The following DCAF6 variants were observed in gnomAD, a reference collection of about 807,000 sequenced individuals.
The protein encoded by DCAF6 is DDB1 and CUL4 associated factor 6.
DCAF6 carries 54 observed loss-of-function variants against 125.1 expected under a neutral mutation model. That is an observed-to-expected ratio of 0.43 (90% CI 0.35 to 0.54). The LOEUF (loss-of-function observed/expected upper bound fraction) is 0.54, where lower values mean the gene tolerates loss of function less well. DCAF6 is among the 20% of genes least tolerant of loss of function. The pLI is 0.01. For missense variants in DCAF6, 934 were observed against 1,161.7 expected (o/e 0.80, Z 2.85); for synonymous variants, 371 against 390.4 (o/e 0.95, Z 0.58).
intron 4 of DCAF6, among the ~76,000 whole-genome samples, chr1:167,980,347 A>G (rs997246807): frequency 2.0e-5 from 3 of 148,874 alleles, no homozygotes; most frequent in South Asian, 4.1e-4. Flanking sequence ...AGAAGTAGAG[A>G]TTGCTGGATC....
intron 5 of DCAF6, among the ~76,000 whole-genome samples, chr1:167,989,279 A>G (rs1034291066): frequency 3.9e-5 from 6 of 152,140 alleles, no homozygotes; most frequent in African/African-American, 1.4e-4. Flanking sequence ...TTGTTATTGC[A>G]AACTCTCTTA....
chr1:167,976,886 G>GTTTT lies in DCAF6; in HGVS notation c.438+1902_438+1905dup, dbSNP rs397981860. The stretch of plus-strand genomic sequence containing the variant: ...TGTACTGAAGGTACATCCTTTAGCA[G>GTTTT]TTTTTTTTTTTTTTTTTTTTTTTTT... On this transcript the variant is annotated intron_variant, in intron 4 of 21. Transcript: ENST00000367840. Among the ~76,000 whole-genome samples, 145 of 38,072 alleles carry GTTTT rather than the reference G, an allele frequency of 3.8e-3. 19 individuals carry two copies. The highest frequency in any genetic ancestry group is 4.8e-3 in the Non-Finnish European group (93 of 19,428). 25.0% of individuals were successfully genotyped at this position (38,072 alleles called of 152,430 possible).
At chr1:167,991,183 G>C (rs537452883) in intron 5 of DCAF6, 21 bp from the exon 6 acceptor site, 144 of 1,600,086 alleles carry the variant, frequency 9.0e-5, no homozygotes, top group Admixed American at 1.4e-4. Context: ...TATGTAATTG[G>C]TATTATGTTA....
chr1:167,962,737 C>T (rs967843478), intron 2 of DCAF6, among the ~76,000 whole-genome samples: 2 of 152,150 alleles, frequency 1.3e-5, no homozygotes, highest in East Asian at 3.8e-4. Context: ...GGGCGATCAC[C>T]TGAGGTCAGG....
chr1:167,891,180 T>G, the DCAF6 span, among the ~76,000 whole-genome samples: 7 of 151,942 alleles, frequency 4.6e-5, no homozygotes, highest in Admixed American at 1.3e-4. Flanking sequence ...CAGGCTGGTC[T>G]TGAACTCCTG....
At chr1:167,900,986 C>T in the DCAF6 span, among the ~76,000 whole-genome samples, 4 of 152,290 alleles carry the variant, frequency 2.6e-5, no homozygotes, top group Middle Eastern at 3.4e-3. Context: ...ACACCAACAG[C>T]ACCAACCATA....
chr1:168,075,393 A>G lies in DCAF6; in HGVS notation c.2814A>G (p.Ser938=). ...CAGACCGGTTGGAGGGTGACAGATC[A>G]GAAGGCTCTGGTCAAGAGAATGAAA... is the stretch of plus-strand genomic sequence containing the variant. ...IRADRLEGDR[S]EGSGQENENE... Residue 938 remains serine, a synonymous_variant, in exon 22 of 22, where the codon TCA becomes TCG. Transcript: ENST00000367840. The G allele has an allele frequency of 6.2e-7, 1 of 1,605,678 alleles. No homozygotes were observed. Among genetic ancestry groups the G allele is most frequent in the East Asian group, 2.2e-5 (1 of 44,468 alleles).
chr1:167,991,487 C>A lies in DCAF6; in HGVS notation c.688+148C>A, dbSNP rs928865758. 113 of 829,898 alleles carry A rather than the reference C, an allele frequency of 1.4e-4. 1 individual carries two copies. In the East Asian group the frequency reaches 3.4e-3, roughly 25 times the overall value. The allele number at this position is 829,898 out of a possible 1,614,324, so 51.4% of individuals were successfully genotyped here. ...TGGATTATTATAAAAAATAACATTT[C>A]ACCAAGTGTTTATGACCCTTTGGGA... is the stretch of plus-strand genomic sequence containing the variant. On this transcript the variant is annotated intron_variant, in intron 6 of 21. Transcript: ENST00000367840.
chr1:167,870,413 G>A, the DCAF6 span: 1 of 1,603,250 alleles, frequency 6.2e-7, no homozygotes, highest in Middle Eastern at 1.8e-4. Context: ...ATTACGTCCT[G>A]TTATTTTTAG....
intron 1 of DCAF6, among the ~76,000 whole-genome samples, chr1:167,939,581 G>T (rs1237800647): frequency 6.6e-6 from 1 of 152,158 alleles, no homozygotes; most frequent in Non-Finnish European, 1.5e-5. Context: ...GGCCAACATG[G>T]TGAAACCCTG....
the DCAF6 span, chr1:167,893,761 G>T: frequency 5.8e-6 from 4 of 691,682 alleles, no homozygotes; most frequent in South Asian, 1.6e-5. Context: ...CTATTTACTA[G>T]TAGCTGCTGT....
intron 4 of DCAF6, among the ~76,000 whole-genome samples, 157 bp downstream of exon 4, chr1:167,975,172 A>G (rs1272100786): frequency 6.6e-6 from 1 of 152,238 alleles, no homozygotes; most frequent in African/African-American, 2.4e-5. Context: ...TCAGCAGAGC[A>G]TTTGAGAAAA....
chr1:167,991,046 TAAAAG>T (rs942857010), intron 5 of DCAF6, among the ~76,000 whole-genome samples, 153 bp from the exon 6 acceptor site: 9 of 152,314 alleles, frequency 5.9e-5, no homozygotes, highest in East Asian at 3.8e-4. Context: ...AAAAAAAAGT[TAAAAG>T]AAAGCCGTAT....
At chr1:167,932,109 G>A (rs1429507626), upstream of DCAF6, among the ~76,000 whole-genome samples, 1 of 152,154 alleles carries the variant, frequency 6.6e-6, no homozygotes, top group Non-Finnish European at 1.5e-5. Flanking sequence ...GAGCTATAAT[G>A]CGTTAAAATG....
intron 10 of DCAF6, among the ~76,000 whole-genome samples, chr1:168,006,188 C>T (rs1314669052): frequency 6.6e-6 from 1 of 152,034 alleles, no homozygotes; most frequent in African/African-American, 2.4e-5. Flanking sequence ...TTAAAGCTAT[C>T]TAATGCATTT....
At chr1:167,937,299 G>A (rs1489040770) in intron 1 of DCAF6, 4 of 437,740 alleles carry the variant, frequency 9.1e-6, no homozygotes, top group Non-Finnish European at 1.7e-5. Context: ...TTGGGACTCG[G>A]GAGACTTGCG....
chr1:167,999,361 G>A (rs959898753), intron 7 of DCAF6, among the ~76,000 whole-genome samples: 2 of 151,984 alleles, frequency 1.3e-5, no homozygotes, highest in Non-Finnish European at 2.9e-5. Context: ...AATGAGCATT[G>A]GCTTCTGCTT....
At chr1:168,014,878 G>C (rs935685906) in intron 10 of DCAF6, among the ~76,000 whole-genome samples, 4 of 152,100 alleles carry the variant, frequency 2.6e-5, no homozygotes, top group African/African-American at 9.7e-5. Flanking sequence ...AAGCTTTCCT[G>C]AGTTGCCATA....
chr1:167,923,013 G>A, the DCAF6 span, among the ~76,000 whole-genome samples: 453 of 152,254 alleles, frequency 3.0e-3, 2 homozygotes, highest in African/African-American at 0.01. Flanking sequence ...CACCCATTAG[G>A]TGCCTATCAT....
Sources: allele counts gnomAD v4.1 joint callset (sites outside exome capture counted in the v4.1 genomes callset), GRCh38; gene constraint gnomAD v4.1.1; transcripts MANE v1.5; gene names NCBI Gene and HGNC (gene_info 2026-07-23, HGNC 2026-07-21).